Variants in AP3B1 observed in about 807,000 individuals in gnomAD.
AP3B1 encodes the protein AP-3 complex subunit beta-1.
In AP3B1, 61 loss-of-function variants were observed where a neutral mutation model predicts 132.5. The observed-to-expected ratio is 0.46, with a 90% CI of 0.37 to 0.57. The LOEUF is 0.57. AP3B1 is among the 20% of genes least tolerant of loss of function. The pLI is 0.00. For missense variants in AP3B1, 1,120 were observed against 1,289.4 expected (o/e 0.87, Z 2.01); for synonymous variants, 388 against 438.3 (o/e 0.89, Z 1.43).
At chr5:78,170,000 T>C (rs1397142374) in intron 11 of AP3B1, among the ~76,000 whole-genome samples, 1 of 152,152 alleles carries the variant, frequency 6.6e-6, no homozygotes, top group African/African-American at 2.4e-5. Flanking sequence ...AGTGAAAACA[T>C]GCAATATTTG....
At chr5:78,007,456 T>C (rs1018000843) in intron 26 of AP3B1, among the ~76,000 whole-genome samples, 3 of 152,092 alleles carry the variant, frequency 2.0e-5, no homozygotes, top group Admixed American at 1.3e-4. Context: ...TTGTACTCTG[T>C]ACATGAAGCC....
chr5:78,159,784 G>T (rs748384966), intron 13 of AP3B1, among the ~76,000 whole-genome samples: 1 of 152,118 alleles, frequency 6.6e-6, no homozygotes, highest in African/African-American at 2.4e-5. Flanking sequence ...ATTCCCCTCA[G>T]GTAATTCCAC....
At chr5:78,183,475 G>A (rs2112417795) in intron 7 of AP3B1, among the ~76,000 whole-genome samples, 1 of 152,286 alleles carries the variant, frequency 6.6e-6, no homozygotes, top group Non-Finnish European at 1.5e-5. Flanking sequence ...AGAGATATTG[G>A]AATGATCTGA....
At chr5:78,219,830 A>T (rs1746106215) in intron 6 of AP3B1, among the ~76,000 whole-genome samples, 1 of 152,176 alleles carries the variant, frequency 6.6e-6, no homozygotes, top group Non-Finnish European at 1.5e-5. Context: ...AAATCAACAG[A>T]GGTTAAATGA....
chr5:78,278,614 AAAAAAAAAAAAG>A (rs1748894231), intron 1 of AP3B1, among the ~76,000 whole-genome samples: 3 of 135,982 alleles, frequency 2.2e-5, no homozygotes, highest in African/African-American at 8.5e-5. Context: ...AAAAAAAAAA[AAAAAAAAAAAAG>A]GGGGGGGGGG....
At chr5:78,292,543 G>A (rs1411305589) in intron 1 of AP3B1, among the ~76,000 whole-genome samples, 1 of 152,130 alleles carries the variant, frequency 6.6e-6, no homozygotes. Context: ...TTCTACCTTT[G>A]TGGCCTTTTC....
intron 23 of AP3B1, among the ~76,000 whole-genome samples, chr5:78,037,869 T>C (rs1284402399): frequency 1.3e-5 from 2 of 152,226 alleles, no homozygotes; most frequent in Non-Finnish European, 2.9e-5. Context: ...ACCTTAGGGT[T>C]ATCTCCACTT....
intron 1 of AP3B1, among the ~76,000 whole-genome samples, chr5:78,269,332 T>A (rs1258411248): frequency 6.6e-6 from 1 of 152,180 alleles, no homozygotes; most frequent in African/African-American, 2.4e-5. Context: ...CATCTTGTGG[T>A]GTTAAATGGT....
At chr5:78,249,856 G>C (rs1270164303) in intron 2 of AP3B1, among the ~76,000 whole-genome samples, 1 of 152,132 alleles carries the variant, frequency 6.6e-6, no homozygotes, top group Non-Finnish European at 1.5e-5. Flanking sequence ...TGGGATTACA[G>C]GCATGAGCCA....
intron 22 of AP3B1, among the ~76,000 whole-genome samples, chr5:78,046,434 A>T (rs915737334): frequency 6.6e-6 from 1 of 152,208 alleles, no homozygotes; most frequent in Admixed American, 6.5e-5. Flanking sequence ...GGTCCATGGA[A>T]AAACTGTCTT....
chr5:78,086,375 T>G (rs1300012199), intron 22 of AP3B1, among the ~76,000 whole-genome samples: 1 of 152,172 alleles, frequency 6.6e-6, no homozygotes. Context: ...TCATAAACAT[T>G]TCATGTTTGT....
intron 5 of AP3B1, among the ~76,000 whole-genome samples, chr5:78,226,030 C>G (rs942665312): frequency 6.6e-6 from 1 of 152,008 alleles, no homozygotes. Context: ...AATTTTATAT[C>G]ATACTAGTTC....
intron 2 of AP3B1, among the ~76,000 whole-genome samples, chr5:78,259,012 C>T (rs377241459): frequency 5.6e-4 from 85 of 152,152 alleles, no homozygotes; most frequent in African/African-American, 2.0e-3. Flanking sequence ...CCAAGGCGGA[C>T]GGATCATGAG....
Position 78,034,395 on chromosome 5 carries a change from A to G in AP3B1, c.2860T>C (p.Cys954Arg). 1.2e-6 allele frequency: 2 copies of G among 1,612,508 alleles called. No individual in the cohort carries two copies. The highest frequency in any genetic ancestry group is 1.1e-5 in the South Asian group (1 of 91,012). ...AAACTGGCAGTCTGAGTAGAATCACAAAAGTCAATACCCATTGAAACTGTA... is the reference window on the plus strand; with the variant it reads ...AAACTGGCAGTCTGAGTAGAATCACGAAAGTCAATACCCATTGAAACTGTA... ...SITVSMGIDF[C>R]DSTQTASFQL... The change falls in exon 24 of 27, where the codon TGT becomes CGT. Residue 954 changes from cysteine to arginine, a missense_variant. Around this residue, in one of 3 missense-constraint regions of AP3B1, gnomAD observed 906 missense variants for 997.1 expected, o/e 0.91. Transcript: ENST00000255194.
rs1188510075 is a variant in AP3B1 at position 78,193,746 on chromosome 5, A to T, written c.787-12084T>A. On this transcript the variant is annotated intron_variant, in intron 7 of 26. Coordinates refer to ENST00000255194, the MANE Select transcript of AP3B1 (RefSeq NM_003664.5). ...TTTAAATATTTGTATATATTTTTTTATATATATATATATATATATATATAT... is the reference window on the plus strand; with the variant it reads ...TTTAAATATTTGTATATATTTTTTTTTATATATATATATATATATATATAT... Among the ~76,000 whole-genome samples the T allele has an allele frequency of 4.9e-3, 128 of 26,034 alleles. 3 individuals are homozygous for T. The highest frequency in any genetic ancestry group is 9.0e-3 in the South Asian group (14 of 1,552). 17.1% of individuals were successfully genotyped at this position (26,034 alleles called of 152,430 possible).
intron 14 of AP3B1, among the ~76,000 whole-genome samples, chr5:78,153,703 T>C (rs967782693): frequency 6.6e-6 from 1 of 152,200 alleles, no homozygotes; most frequent in Admixed American, 6.5e-5. Flanking sequence ...TCTTGTTTTT[T>C]ATATTTTGTG....
chr5:78,293,714 A>C (rs1264192502), intron 1 of AP3B1, among the ~76,000 whole-genome samples: 1 of 150,258 alleles, frequency 6.7e-6, no homozygotes, highest in Non-Finnish European at 1.5e-5. Flanking sequence ...CCACCAACCC[A>C]CCCCCCAAAA....
intron 23 of AP3B1, among the ~76,000 whole-genome samples, chr5:78,038,260 A>C (rs779022146): frequency 1.5e-4 from 23 of 152,204 alleles, no homozygotes; most frequent in Non-Finnish European, 2.8e-4. Context: ...GATTGAAAAC[A>C]TGTAAAAATT....
intron 1 of AP3B1, among the ~76,000 whole-genome samples, chr5:78,287,581 G>A (rs1023845868): frequency 3.9e-5 from 6 of 151,954 alleles, no homozygotes; most frequent in Admixed American, 1.3e-4. Flanking sequence ...TAAAACTTAC[G>A]ATCTTATTTT....
Sources: allele counts gnomAD v4.1 joint callset (sites outside exome capture counted in the v4.1 genomes callset), GRCh38; gene constraint gnomAD v4.1.1; regional missense constraint gnomAD v4.1.1; transcripts MANE v1.5; gene names NCBI Gene and HGNC (gene_info 2026-07-23, HGNC 2026-07-21).